Variants in USP40 observed in about 807,000 individuals in gnomAD.
USP40 encodes the protein ubiquitin carboxyl-terminal hydrolase 40.
In USP40, 143 loss-of-function variants were observed where a neutral mutation model predicts 166.2. The observed-to-expected ratio is 0.86, with a 90% CI of 0.75 to 0.99. The LOEUF is 0.99. Ranked by LOEUF, USP40 falls within the 50% of genes least tolerant of loss-of-function variation. The pLI is 0.00. For synonymous variants in USP40, 498 were observed against 524.0 expected (o/e 0.95, Z 0.68); for missense variants, 1,444 against 1,479.7 (o/e 0.98, Z 0.40).
Position 233,511,760 on chromosome 2 carries a change from C to T in USP40, c.2475G>A (p.Lys825=). Residue 825 remains lysine, a synonymous_variant, in exon 20 of 32, where the codon AAG becomes AAA. Coordinates refer to ENST00000678225, the MANE Select transcript of USP40 (RefSeq NM_001365479.2). ...GACACAGTCCCAATGAACTTCCCATCTTCAATTCTGCTTCCTTCAAAGTAT... is the reference window on the plus strand; with the variant it reads ...GACACAGTCCCAATGAACTTCCCATTTTCAATTCTGCTTCCTTCAAAGTAT... The part of the protein sequence containing the change: ...DSYTLKEAEL[K]MGSSLGLCLG... The T allele has an allele frequency of 6.2e-7, 1 of 1,612,212 alleles. No homozygotes were observed. The highest frequency in any genetic ancestry group is 8.5e-7 in the Non-Finnish European group (1 of 1,179,234).
chr2:233,483,255 T>C (rs1321139892), intron 30 of USP40, among the ~76,000 whole-genome samples: 1 of 152,148 alleles, frequency 6.6e-6, no homozygotes, highest in Non-Finnish European at 1.5e-5. Flanking sequence ...TTTGGGAGGC[T>C]GAGGCAGGTG....
chr2:233,507,534 A>T (rs755362193), intron 21 of USP40, among the ~76,000 whole-genome samples: 72 of 152,184 alleles, frequency 4.7e-4, no homozygotes, highest in Non-Finnish European at 9.1e-4. Context: ...AACATGGATG[A>T]ACCTGGAAGA....
At chr2:233,502,026 A>C (rs1386137405) in intron 21 of USP40, among the ~76,000 whole-genome samples, 2 of 152,210 alleles carry the variant, frequency 1.3e-5, no homozygotes, top group African/African-American at 4.8e-5. Flanking sequence ...CATCAGGTAC[A>C]TCGAATGTTG....
At chr2:233,516,100 G>A (rs947438722) in intron 18 of USP40, among the ~76,000 whole-genome samples, 8 of 152,034 alleles carry the variant, frequency 5.3e-5, no homozygotes, top group Admixed American at 2.0e-4. Context: ...TTACTAGTGC[G>A]AAAACCATTC....
rs114970425 is a variant in USP40 at position 233,533,165 on chromosome 2, T to C, written c.1471+314A>G. On this transcript the variant is annotated intron_variant, in intron 11 of 31. Transcript: ENST00000678225. The stretch of plus-strand genomic sequence containing the variant: ...TATGGCTGAATGACAGAGCCAAGTC[T>C]GAGCATATGGCAATCGCACTCAAGT... Among the ~76,000 whole-genome samples the C allele has an allele frequency of 5.5e-3, 840 of 152,272 alleles. 6 individuals carry two copies. Among genetic ancestry groups the C allele is most frequent in the African/African-American group, 0.019 (794 of 41,576 alleles).
chr2:233,490,373 T>C (rs1386704763), intron 26 of USP40, among the ~76,000 whole-genome samples: 3 of 151,700 alleles, frequency 2.0e-5, no homozygotes, highest in Admixed American at 6.6e-5. Context: ...GGTTTTACCA[T>C]GTTGGCCAGG....
At chr2:233,512,398 G>T in intron 19 of USP40, 171 bp downstream of exon 19, 2 of 378,412 alleles carry the variant, frequency 5.3e-6, no homozygotes, top group Non-Finnish European at 4.8e-6. Flanking sequence ...AGAAGTGTTT[G>T]TTTCTGGTTA....
In USP40 at chr2:233,485,946, G is replaced by T. The variant is rs548513246; in HGVS notation, c.3229C>A (p.Arg1077Ser). 4.4e-6 allele frequency: 7 copies of T among 1,592,076 alleles called. No homozygotes were observed. In the South Asian group the frequency reaches 5.8e-5, roughly 13 times the overall value. ...GCATAGGTCCTCTCACCAGGGATGC[G>T]CACCTGTGTCCTCAGCAGCACGTCC... is the stretch of plus-strand genomic sequence containing the variant. ...PQDVLLRTQVRIPGERTYAPA... is the reference protein window; with the variant it reads ...PQDVLLRTQVSIPGERTYAPA... The change falls in exon 29 of 32, where the codon CGC (arginine) becomes AGC (serine). Residue 1077 changes from arginine to serine, a missense_variant. Transcript: ENST00000678225.
At chr2:233,515,342 T>C (rs1468818365) in intron 18 of USP40, among the ~76,000 whole-genome samples, 1 of 152,218 alleles carries the variant, frequency 6.6e-6, no homozygotes, top group Non-Finnish European at 1.5e-5. Flanking sequence ...CCATCAGCAA[T>C]ATATGGGAGT....
At chr2:233,542,012 A>G (rs2069464406) in intron 9 of USP40, among the ~76,000 whole-genome samples, 1 of 152,176 alleles carries the variant, frequency 6.6e-6, no homozygotes, top group Non-Finnish European at 1.5e-5. Flanking sequence ...GCCTACTTAT[A>G]CTTTTTATCT....
intron 8 of USP40, chr2:233,546,723 T>C (rs2125334623): frequency 6.6e-6 from 1 of 152,338 alleles, no homozygotes; most frequent in African/African-American, 2.4e-5. Context: ...CAGAATCTAA[T>C]GAAAGGCTTC....
chr2:233,491,684 A>T (rs1318576065), intron 25 of USP40, among the ~76,000 whole-genome samples: 7 of 151,836 alleles, frequency 4.6e-5, no homozygotes, highest in Non-Finnish European at 8.8e-5. Flanking sequence ...AAACAACAGA[A>T]TTTTCAAGAG....
chr2:233,549,401 T>C (rs902731492), intron 7 of USP40, among the ~76,000 whole-genome samples, 172 bp from the exon 8 acceptor site: 6 of 152,074 alleles, frequency 3.9e-5, no homozygotes, highest in Admixed American at 3.3e-4. Context: ...TTAAATTAAT[T>C]GATCTAATGG....
intron 21 of USP40, among the ~76,000 whole-genome samples, chr2:233,508,364 T>C (rs57285092): frequency 1.3e-5 from 2 of 152,206 alleles, no homozygotes; most frequent in African/African-American, 2.4e-5. Context: ...CTATAGGTTG[T>C]CCTTGTCCCC....
At chr2:233,554,160 A>G (rs1424309807) in intron 6 of USP40, among the ~76,000 whole-genome samples, 1 of 152,250 alleles carries the variant, frequency 6.6e-6, no homozygotes, top group African/African-American at 2.4e-5. Flanking sequence ...CTGAGGTACA[A>G]TAAAGTTTTC....
chr2:233,494,943 T>TAA (rs2065614883), intron 24 of USP40, among the ~76,000 whole-genome samples: 1 of 37,704 alleles, frequency 2.7e-5, no homozygotes, highest in Non-Finnish European at 4.8e-5. Context: ...TATATATATA[T>TAA]ATATATATAT....
chr2:233,490,944 A>G (rs2065293875), intron 26 of USP40: 1 of 679,592 alleles, frequency 1.5e-6, no homozygotes, highest in Non-Finnish European at 2.8e-6. Context: ...GATTGAAACA[A>G]AAGCACAGCA....
At chr2:233,513,645 C>T (rs838554) in intron 18 of USP40, among the ~76,000 whole-genome samples, 61,868 of 151,960 alleles carry the variant, frequency 0.41, 14,444 homozygotes, top group African/African-American at 0.65. Context: ...TAATGAAATT[C>T]GTGCATGTCA....
At chr2:233,540,989 T>C (rs2069358157) in intron 9 of USP40, among the ~76,000 whole-genome samples, 1 of 152,240 alleles carries the variant, frequency 6.6e-6, no homozygotes, top group African/African-American at 2.4e-5. Flanking sequence ...CCATGTGCCA[T>C]CTTCCATTTG....
Sources: gnomAD v4.1 joint callset for allele counts (sites outside exome capture counted in the v4.1 genomes callset) on GRCh38, gnomAD v4.1.1 for gene constraint, MANE v1.5 for transcripts, NCBI Gene and HGNC (gene_info 2026-07-23, HGNC 2026-07-21) for gene names.